The following SMYD3 variants were observed in gnomAD, a reference collection of about 807,000 sequenced individuals.
SMYD3 encodes the protein histone-lysine N-methyltransferase SMYD3.
SMYD3 carries 36 observed loss-of-function variants against 57.7 expected under a neutral mutation model. That is an observed-to-expected ratio of 0.62 (90% CI 0.48 to 0.82). SMYD3 has a LOEUF of 0.82. Ranked by LOEUF, SMYD3 falls within the 40% of genes least tolerant of loss-of-function variation. SMYD3 has a pLI of 0.00. For synonymous variants in SMYD3, 211 were observed against 195.0 expected (o/e 1.08, Z -0.68); for missense variants, 515 against 538.8 (o/e 0.96, Z 0.44).
intron 5 of SMYD3, among the ~76,000 whole-genome samples, chr1:246,082,618 T>C (rs1416749064): frequency 2.0e-5 from 3 of 152,200 alleles, no homozygotes; most frequent in Non-Finnish European, 4.4e-5. Flanking sequence ...TCTTTCCACT[T>C]GGCTAGCTCT....
chr1:245,827,115 A>C (rs2049545049), intron 10 of SMYD3, among the ~76,000 whole-genome samples: 1 of 152,140 alleles, frequency 6.6e-6, no homozygotes, highest in African/African-American at 2.4e-5. Context: ...TTTTCACAGA[A>C]ACTTCAGGGT....
intron 5 of SMYD3, among the ~76,000 whole-genome samples, chr1:246,256,819 C>T (rs758053130): frequency 4.6e-5 from 7 of 152,100 alleles, no homozygotes; most frequent in Non-Finnish European, 8.8e-5. Flanking sequence ...TATAAAATTT[C>T]CTCTTAACAC....
rs2062955052 is a variant in SMYD3 at position 246,203,774 on chromosome 1, G to GGCCA, written c.531+123426_531+123427insTGGC. On this transcript the variant is annotated intron_variant, in intron 5 of 11. Transcript: ENST00000490107. The surrounding 1 kb of genome is among the most constrained non-coding windows in gnomAD (Gnocchi z 4.6). ...GCCCAGAACACACTCTCCTTCTCCTGGGTTTCTCACTTGCTCCTGGCTCTT... is the reference window on the plus strand; with the variant it reads ...GCCCAGAACACACTCTCCTTCTCCTGGCCAGGTTTCTCACTTGCTCCTGGCTCTT... Among the ~76,000 whole-genome samples, 1 of 152,102 alleles carries GGCCA rather than the reference G, an allele frequency of 6.6e-6. No individual in the cohort carries two copies. The highest frequency in any genetic ancestry group is 1.9e-4 in the East Asian group (1 of 5,200).
At chr1:246,499,590 T>C (rs1260254157) in intron 1 of SMYD3, among the ~76,000 whole-genome samples, 3 of 151,738 alleles carry the variant, frequency 2.0e-5, no homozygotes, top group Non-Finnish European at 4.4e-5. Context: ...CAAAGTAGCT[T>C]GATTACAGGC....
intron 5 of SMYD3, among the ~76,000 whole-genome samples, chr1:246,040,578 G>A (rs2148292582): frequency 6.6e-6 from 1 of 152,250 alleles, no homozygotes; most frequent in Non-Finnish European, 1.5e-5. Context: ...AGCCACGTGG[G>A]GATAAATCCT....
At chr1:246,382,830 C>T (rs554690914) in intron 1 of SMYD3, among the ~76,000 whole-genome samples, 5 of 151,666 alleles carry the variant, frequency 3.3e-5, no homozygotes, top group Non-Finnish European at 7.4e-5. Context: ...TGGACCCAGG[C>T]ACCCAGACAA....
At chr1:246,255,983 T>TAGACAGAC (rs1406336278) in intron 5 of SMYD3, among the ~76,000 whole-genome samples, 47 of 138,110 alleles carry the variant, frequency 3.4e-4, no homozygotes, top group South Asian at 1.0e-3. Context: ...GATAGATAGA[T>TAGACAGAC]AGATACACAC....
intron 5 of SMYD3, among the ~76,000 whole-genome samples, chr1:246,028,795 CA>C (rs1245715622): frequency 6.6e-6 from 1 of 152,088 alleles, no homozygotes; most frequent in Non-Finnish European, 1.5e-5. Flanking sequence ...GCAAAAATAA[CA>C]AAACAGGAAG....
intron 5 of SMYD3, among the ~76,000 whole-genome samples, chr1:246,276,613 G>T (rs570669087): frequency 1.3e-5 from 2 of 150,792 alleles, no homozygotes; most frequent in African/African-American, 4.9e-5. Flanking sequence ...TTCACTACCC[G>T]TATTAACACT....
chr1:246,357,887 A>G (rs10924704), intron 1 of SMYD3, among the ~76,000 whole-genome samples: 19,306 of 152,176 alleles, frequency 0.13, 1,542 homozygotes, highest in East Asian at 0.19. Flanking sequence ...CAGGACCTAC[A>G]TAACAATAAC....
intron 5 of SMYD3, among the ~76,000 whole-genome samples, chr1:246,231,930 G>C (rs1288736994): frequency 3.3e-5 from 5 of 152,138 alleles, no homozygotes; most frequent in Non-Finnish European, 7.4e-5. Flanking sequence ...TTCCTTGGGA[G>C]CACTGAACAG....
chr1:245,763,400 G>A lies in SMYD3; in HGVS notation c.1185+641C>T, dbSNP rs141228457. Among the ~76,000 whole-genome samples the A allele has an allele frequency of 4.1e-3, 627 of 152,262 alleles. 3 individuals carry two copies. Among genetic ancestry groups the A allele is most frequent in the African/African-American group, 0.015 (604 of 41,540 alleles). The stretch of plus-strand genomic sequence containing the variant: ...GGGTGGGCAGAGAGCTGTAGGGGTA[G>A]GACCACAAAGTAACACTGGAATTGG... On this transcript the variant is annotated intron_variant, in intron 11 of 11. Transcript: ENST00000490107.
intron 1 of SMYD3, among the ~76,000 whole-genome samples, chr1:246,400,597 T>C (rs1441348169): frequency 1.3e-5 from 2 of 152,198 alleles, no homozygotes; most frequent in African/African-American, 4.8e-5. Context: ...AATATTATGA[T>C]TGGTATCGGT....
At chr1:246,182,521 C>T (rs1229326698) in intron 5 of SMYD3, among the ~76,000 whole-genome samples, 1 of 152,128 alleles carries the variant, frequency 6.6e-6, no homozygotes, top group African/African-American at 2.4e-5. Flanking sequence ...AAGCTGGGTC[C>T]TCACCTAGAT....
chr1:245,881,135 C>A (rs1292039371), intron 8 of SMYD3, among the ~76,000 whole-genome samples: 1 of 152,084 alleles, frequency 6.6e-6, no homozygotes, highest in East Asian at 1.9e-4. Context: ...ATGCTTTTGA[C>A]CAGATTAGAA....
At chr1:246,349,491 G>C (rs988790644) in intron 2 of SMYD3, among the ~76,000 whole-genome samples, 5 of 152,134 alleles carry the variant, frequency 3.3e-5, no homozygotes, top group Non-Finnish European at 7.4e-5. Context: ...TGTAGTCCCA[G>C]CTATTTGAGG....
chr1:245,915,457 T>A, intron 8 of SMYD3, 73 bp downstream of exon 8: 2 of 955,680 alleles, frequency 2.1e-6, no homozygotes, highest in Non-Finnish European at 1.6e-6. Flanking sequence ...GTTTATGAAA[T>A]CTAGGCAGAG....
At position 246,418,286 on chromosome 1, in the gene SMYD3, G is replaced by T. The variant is rs182679201; in HGVS notation, c.165-63192C>A. Among the ~76,000 whole-genome samples, 22 of 152,358 alleles carry T rather than the reference G, an allele frequency of 1.4e-4. 2 individuals are homozygous for T. Among genetic ancestry groups the T allele is most frequent in the African/African-American group, 5.3e-4 (22 of 41,588 alleles). On this transcript the variant is annotated intron_variant, in intron 1 of 11. Coordinates refer to ENST00000490107, the MANE Select transcript of SMYD3 (RefSeq NM_001167740.2). ...GTTCCACTTATAAGAAACATGAAGA[G>T]AAAGTAGAGTAAAGGTTCCCTTGTC...
chr1:246,282,214 T>C (rs2064458991), intron 5 of SMYD3, among the ~76,000 whole-genome samples: 1 of 143,892 alleles, frequency 6.9e-6, no homozygotes, highest in African/African-American at 2.7e-5. Context: ...ATGCCCGTAA[T>C]CCTAGCACTT....
Sources: gnomAD v4.1 joint callset for allele counts (sites outside exome capture counted in the v4.1 genomes callset) on GRCh38, gnomAD v4.1.1 for gene constraint, Gnocchi (gnomAD v3.1) non-coding constraint, MANE v1.5 for transcripts, NCBI Gene and HGNC (gene_info 2026-07-23, HGNC 2026-07-21) for gene names.